Variants in CDH18 observed in about 807,000 individuals in gnomAD.
CDH18 encodes cadherin 18.
A neutral mutation model predicts 67.9 loss-of-function variants in CDH18; 31 were observed. The observed-to-expected ratio is 0.46, with a 90% CI of 0.34 to 0.62. The LOEUF is 0.62. Ranked by LOEUF, CDH18 falls within the 20% of genes least tolerant of loss-of-function variation. The pLI is 0.01. For synonymous variants in CDH18, 362 were observed against 347.2 expected, an observed-to-expected ratio of 1.04 and a Z score of -0.48; for missense variants, 890 against 975.5, an observed-to-expected ratio of 0.91 and a Z score of 1.17.
intron 3 of CDH18, among the ~76,000 whole-genome samples, chr5:19,750,900 C>A (rs1350945077): frequency 1.3e-5 from 2 of 151,536 alleles, no homozygotes; most frequent in African/African-American, 4.9e-5. Context: ...GAAAGATAGA[C>A]ATTATATTGT....
In CDH18 at chr5:20,418,118, G is replaced by A. The variant is rs981246240; in HGVS notation, c.-580+157344C>T. On this transcript the variant is annotated intron_variant, in intron 1 of 14. Transcript: ENST00000507958. The stretch of plus-strand genomic sequence containing the variant: ...AGACAGACTCTTGCTGTTGTCGGCC[G>A]GGGCTGGAGTGCAGTGGCGCAATCT... Among the ~76,000 whole-genome samples the A allele has an allele frequency of 5.9e-5, 9 of 151,506 alleles. No homozygotes were observed. In the South Asian group the frequency reaches 8.4e-4, roughly 14 times the overall value.
rs555864834 is a variant in CDH18, at chr5:20,486,074, G to T, written c.-580+89388C>A. On this transcript the variant is annotated intron_variant, in intron 1 of 14. Transcript: ENST00000507958. ...TTAAAAGAGTTGCTGTACCAGCGTG[G>T]ATATAGAGAAGAACTTTTCTGCAAT... Among the ~76,000 whole-genome samples, 5 of 152,264 alleles carry T rather than the reference G, an allele frequency of 3.3e-5. No homozygotes were observed. The East Asian group carries it at 9.7e-4, about 30-fold the overall frequency.
intron 7 of CDH18, among the ~76,000 whole-genome samples, chr5:19,582,091 T>C (rs1253657175): frequency 6.6e-6 from 1 of 152,064 alleles, no homozygotes; most frequent in Non-Finnish European, 1.5e-5. Context: ...CAAAGATCTT[T>C]CATTTCAAAT....
intron 2 of CDH18, among the ~76,000 whole-genome samples, chr5:19,975,689 T>G (rs1798433967): frequency 6.6e-6 from 1 of 152,224 alleles, no homozygotes; most frequent in African/African-American, 2.4e-5. Flanking sequence ...GTAGAGTTTA[T>G]TGATTAGAAC....
intron 2 of CDH18, among the ~76,000 whole-genome samples, chr5:19,974,691 A>G (rs547532596): frequency 5.3e-4 from 80 of 152,210 alleles, no homozygotes; most frequent in African/African-American, 1.9e-3. Flanking sequence ...GTCCTTCATT[A>G]TAATTTGAAT....
intron 2 of CDH18, among the ~76,000 whole-genome samples, chr5:20,041,852 TCTAA>T (rs1740447949): frequency 6.6e-6 from 1 of 152,226 alleles, no homozygotes; most frequent in African/African-American, 2.4e-5. Context: ...TTCTGTTGAA[TCTAA>T]CTAATCAAGC....
intron 1 of CDH18, among the ~76,000 whole-genome samples, chr5:20,362,726 C>T (rs1011333165): frequency 6.6e-5 from 10 of 152,130 alleles, no homozygotes; most frequent in Admixed American, 3.3e-4. Flanking sequence ...GAATGTTTCT[C>T]CCTGCTTGTA....
chr5:19,978,082 G>A (rs1798677268), intron 2 of CDH18, among the ~76,000 whole-genome samples: 1 of 151,844 alleles, frequency 6.6e-6, no homozygotes. Context: ...ATTTTACTTT[G>A]TTTATTGTTT....
chr5:20,259,367 T>C (rs530011294), intron 1 of CDH18, among the ~76,000 whole-genome samples: 74 of 152,304 alleles, frequency 4.9e-4, no homozygotes, highest in African/African-American at 1.7e-3. Flanking sequence ...AGCTGATCTT[T>C]GAACAACATA....
intron 1 of CDH18, among the ~76,000 whole-genome samples, chr5:20,330,328 T>C (rs1739045599): frequency 6.6e-6 from 1 of 152,072 alleles, no homozygotes; most frequent in Non-Finnish European, 1.5e-5. Context: ...TAGTTAGACA[T>C]GAGCAGGACA....
intron 2 of CDH18, among the ~76,000 whole-genome samples, chr5:20,092,846 A>C (rs1455403199): frequency 6.6e-6 from 1 of 152,168 alleles, no homozygotes; most frequent in Non-Finnish European, 1.5e-5. Flanking sequence ...GGGAAGAATG[A>C]CTAGTGTAAT....
At chr5:19,487,512 T>C (rs2126633800) in intron 11 of CDH18, among the ~76,000 whole-genome samples, 3 of 152,304 alleles carry the variant, frequency 2.0e-5, no homozygotes, top group Middle Eastern at 6.8e-3. Flanking sequence ...TTACATGTCA[T>C]ATATGAATTT....
At chr5:19,700,180 A>G (rs1357975578) in intron 5 of CDH18, among the ~76,000 whole-genome samples, 1 of 152,178 alleles carries the variant, frequency 6.6e-6, no homozygotes, top group African/African-American at 2.4e-5. Context: ...TGTACAACTT[A>G]TACTACAAAC....
chr5:19,556,175 G>C (rs890839959), intron 8 of CDH18, among the ~76,000 whole-genome samples: 1 of 152,088 alleles, frequency 6.6e-6, no homozygotes, highest in African/African-American at 2.4e-5. Flanking sequence ...AATGAGAAGA[G>C]ACCAGAAAAA....
At chr5:19,885,854 G>C (rs1029651072) in intron 2 of CDH18, among the ~76,000 whole-genome samples, 2 of 152,132 alleles carry the variant, frequency 1.3e-5, no homozygotes, top group African/African-American at 4.8e-5. Flanking sequence ...AAAATTAAAA[G>C]GAATGTGTTT....
intron 1 of CDH18, among the ~76,000 whole-genome samples, chr5:20,388,665 T>C (rs1744534532): frequency 6.6e-6 from 1 of 152,186 alleles, no homozygotes; most frequent in African/African-American, 2.4e-5. Flanking sequence ...GATGTTAGGG[T>C]GTCTATTTTA....
intron 2 of CDH18, among the ~76,000 whole-genome samples, chr5:19,927,272 A>T (rs2150186976): frequency 6.6e-6 from 1 of 152,286 alleles, no homozygotes; most frequent in African/African-American, 2.4e-5. Flanking sequence ...GGACATCATT[A>T]CTCAGGACAC....
At chr5:19,473,967 C>T (rs978673637) in intron 12 of CDH18, among the ~76,000 whole-genome samples, 5 of 152,100 alleles carry the variant, frequency 3.3e-5, no homozygotes, top group Non-Finnish European at 7.4e-5. Flanking sequence ...AACCACAATA[C>T]TCTCAGTTTG....
Position 19,790,862 on chromosome 5 carries a change from A to G in CDH18, c.229-43626T>C, listed in dbSNP as rs114340681. On this transcript the variant is annotated intron_variant, in intron 3 of 12. Transcript: ENST00000382275. Reference sequence around the variant, plus strand: ...GGTTGAAAAGAACCAGACAGACTTGAGATACATTTCAGATGAGGAGCTGAC... The same window carrying G: ...GGTTGAAAAGAACCAGACAGACTTGGGATACATTTCAGATGAGGAGCTGAC... Among the ~76,000 whole-genome samples the G allele has an allele frequency of 3.0e-3, 461 of 152,228 alleles. 1 individual carries two copies. Among genetic ancestry groups the G allele is most frequent in the African/African-American group, 0.011 (438 of 41,552 alleles).
Sources: allele counts gnomAD v4.1 joint callset (sites outside exome capture counted in the v4.1 genomes callset), GRCh38; gene constraint gnomAD v4.1.1; transcripts MANE v1.5; gene names NCBI Gene and HGNC (gene_info 2026-07-23, HGNC 2026-07-21).